Variants in MCOLN3 observed in about 807,000 individuals in gnomAD.
The protein encoded by MCOLN3 is mucolipin-3.
Under a neutral mutation model 69.4 loss-of-function variants are expected in MCOLN3, and 62 were observed. That is an observed-to-expected ratio of 0.89 (90% CI 0.73 to 1.10). The LOEUF (loss-of-function observed/expected upper bound fraction) is 1.10, where lower values mean the gene tolerates loss of function less well. Ranked by LOEUF, MCOLN3 falls within the 50% of genes least tolerant of loss-of-function variation. MCOLN3 has a pLI of 0.00. For missense variants in MCOLN3, 564 were observed against 656.4 expected, an observed-to-expected ratio of 0.86 and a Z score of 1.54; for synonymous variants, 183 against 217.0, an observed-to-expected ratio of 0.84 and a Z score of 1.38.
chr1:85,032,568 C>T (rs1652590634), intron 6 of MCOLN3, 128 bp downstream of exon 6: 2 of 741,178 alleles, frequency 2.7e-6, no homozygotes, highest in Non-Finnish European at 4.8e-6. Context: ...TCAATGCTTC[C>T]CTTATGCACA....
chr1:85,034,683 C>A (rs1652723783), intron 3 of MCOLN3, among the ~76,000 whole-genome samples: 1 of 152,078 alleles, frequency 6.6e-6, no homozygotes, highest in Non-Finnish European at 1.5e-5. Context: ...CCAGCAAAAC[C>A]TTTTTTAAAG....
Position 85,045,284 on chromosome 1 carries a change from G to A in MCOLN3, c.77C>T (p.Thr26Ile), listed in dbSNP as rs1653289265. 6.2e-7 allele frequency: 1 copy of A among 1,613,966 alleles called. No homozygotes were observed. Among genetic ancestry groups the A allele is most frequent in the Non-Finnish European group, 8.5e-7 (1 of 1,180,010 alleles). Residue 26 changes from threonine (T) to isoleucine (I), a missense_variant, in exon 2 of 13, where the codon ACA becomes ATA. Coordinates refer to ENST00000370589, the MANE Select transcript of MCOLN3 (RefSeq NM_018298.11). ...TAATAGAAGCTCCTCAGATGGAGAT[G>A]TTTGCTGGTTAAAATTGCAGCGATT... is the stretch of plus-strand genomic sequence containing the variant. ...EENRCNFNQQTSPSEELLLED... is the reference protein window; with the variant it reads ...EENRCNFNQQISPSEELLLED...
At chr1:85,024,194 T>C (rs1453945239) in intron 9 of MCOLN3, among the ~76,000 whole-genome samples, 1 of 151,918 alleles carries the variant, frequency 6.6e-6, no homozygotes, top group African/African-American at 2.4e-5. Flanking sequence ...AGGAGCAGAA[T>C]CAGAAACAAC....
intron 3 of MCOLN3, among the ~76,000 whole-genome samples, chr1:85,035,018 A>C (rs1652737764): frequency 6.6e-6 from 1 of 152,212 alleles, no homozygotes; most frequent in Non-Finnish European, 1.5e-5. Context: ...GAATAAAATA[A>C]TTTCTAATAT....
At chr1:85,033,177 G>A (rs1652624483) in intron 4 of MCOLN3, among the ~76,000 whole-genome samples, 1 of 152,132 alleles carries the variant, frequency 6.6e-6, no homozygotes, top group Non-Finnish European at 1.5e-5. Context: ...AGTGGATGGA[G>A]GCTAGACAAA....
chr1:85,028,095 C>T (rs1652312092), intron 7 of MCOLN3, among the ~76,000 whole-genome samples: 1 of 152,138 alleles, frequency 6.6e-6, no homozygotes, highest in Admixed American at 6.5e-5. Flanking sequence ...TCATTTTCCT[C>T]ATTCTGGTGT....
At chr1:85,019,694 T>C (rs1195341816) in intron 12 of MCOLN3, among the ~76,000 whole-genome samples, 2 of 152,222 alleles carry the variant, frequency 1.3e-5, no homozygotes, top group African/African-American at 4.8e-5. Flanking sequence ...GGTTTTCTAG[T>C]AGGCCAAGGG....
intron 2 of MCOLN3, among the ~76,000 whole-genome samples, chr1:85,041,819 G>A (rs752467979): frequency 1.7e-4 from 23 of 136,850 alleles, no homozygotes; most frequent in Non-Finnish European, 2.9e-4. Flanking sequence ...GCTATGAGCT[G>A]AGATTGTGCC....
chr1:85,032,177 A>G (rs544842457), intron 6 of MCOLN3, among the ~76,000 whole-genome samples: 76 of 152,340 alleles, frequency 5.0e-4, no homozygotes, highest in South Asian at 1.5e-3. Context: ...ATGAGGGCCA[A>G]GATGGGAGAA....
chr1:85,039,223 G>T (rs1652946596), intron 3 of MCOLN3, among the ~76,000 whole-genome samples: 1 of 152,100 alleles, frequency 6.6e-6, no homozygotes, highest in African/African-American at 2.4e-5. Context: ...CAACAGTAGG[G>T]AGTCATACAT....
chr1:85,022,229 C>T (rs1472923577), intron 10 of MCOLN3, 37 bp from the exon 11 acceptor site: 2 of 1,613,862 alleles, frequency 1.2e-6, no homozygotes, highest in Non-Finnish European at 1.7e-6. Flanking sequence ...ATGGTTTTGT[C>T]CTTTAGCCAA....
intron 9 of MCOLN3, 90 bp from the exon 10 acceptor site, chr1:85,022,490 T>G: frequency 1.2e-6 from 1 of 831,130 alleles, no homozygotes; most frequent in Non-Finnish European, 1.9e-6. Flanking sequence ...AGGCACTGTT[T>G]TAGGTGCTAA....
intron 6 of MCOLN3, among the ~76,000 whole-genome samples, chr1:85,032,244 T>A (rs1018617687): frequency 3.3e-5 from 5 of 152,134 alleles, no homozygotes; most frequent in Non-Finnish European, 5.9e-5. Context: ...AACTTGAAGG[T>A]AGACTGTAAT....
chr1:85,029,085 C>G, intron 7 of MCOLN3, 21 bp downstream of exon 7: 1 of 1,407,698 alleles, frequency 7.1e-7, no homozygotes, highest in Non-Finnish European at 1.0e-6. Context: ...ATTCTGAAAA[C>G]TAGTAATGCG....
Position 85,038,748 on chromosome 1 carries a change from T to C in MCOLN3, c.396+2262A>G, listed in dbSNP as rs555412815. On this transcript the variant is annotated intron_variant, in intron 3 of 12. Transcript: ENST00000370589. The stretch of plus-strand genomic sequence containing the variant: ...GCTCACACCTGTAATTCCAGCACTT[T>C]GGGAGGCCAAGGCGGGCAGATCACT... 2.0e-5 allele frequency among the ~76,000 whole-genome samples: 3 copies of C among 152,272 alleles called. No individual in the cohort carries two copies. In the South Asian group the frequency reaches 6.2e-4, roughly 32 times the overall value.
intron 6 of MCOLN3, chr1:85,029,478 C>T: frequency 3.5e-6 from 1 of 285,540 alleles, no homozygotes. Context: ...ATAACAAGAG[C>T]ACTTCCTCTT....
intron 12 of MCOLN3, among the ~76,000 whole-genome samples, chr1:85,020,305 G>A (rs534457753): frequency 2.6e-4 from 39 of 152,238 alleles, no homozygotes; most frequent in African/African-American, 3.4e-4. Flanking sequence ...AAACCAAGGC[G>A]TTCTCTTTAT....
chr1:85,040,175 T>A (rs1249135687), intron 3 of MCOLN3, among the ~76,000 whole-genome samples: 1 of 152,206 alleles, frequency 6.6e-6, no homozygotes, highest in East Asian at 1.9e-4. Flanking sequence ...TCTATTACTT[T>A]AGATTTCTGG....
In MCOLN3 at chr1:85,044,310, G is replaced by GT. The variant is rs930793217; in HGVS notation, c.228+822dup. Among the ~76,000 whole-genome samples the GT allele has an allele frequency of 8.6e-5, 13 of 151,862 alleles. No homozygotes were observed. The East Asian group carries it at 2.1e-3, about 25-fold the overall frequency. On this transcript the variant is annotated intron_variant, in intron 2 of 12. Transcript: ENST00000370589. ...AAGCAGTTAAAATTAGTAATATCCT[G>GT]TTTTTTTTAATCTCTCCTTCAATAC...
Sources: gnomAD v4.1 joint callset for allele counts (sites outside exome capture counted in the v4.1 genomes callset) on GRCh38, gnomAD v4.1.1 for gene constraint, MANE v1.5 for transcripts, NCBI Gene and HGNC (gene_info 2026-07-23, HGNC 2026-07-21) for gene names.